ZFR: variants seen among roughly 807,000 people sequenced by gnomAD.
ZFR encodes zinc finger RNA-binding protein.
A neutral mutation model predicts 130.7 loss-of-function variants in ZFR; 19 were observed. The ratio of observed to expected loss-of-function variants is 0.15; its 90% CI spans 0.10 to 0.21. The LOEUF (loss-of-function observed/expected upper bound fraction) is 0.21. Among genes scored for constraint, ZFR ranks in the 10% least tolerant of loss-of-function variants. The probability of loss-of-function intolerance (pLI) is 1.00; values close to 1 mark genes in which losing one functional copy is unlikely to be tolerated. For missense variants in ZFR, 872 were observed against 1,321.5 expected (o/e 0.66, Z 5.27); for synonymous variants, 466 against 456.9 (o/e 1.02, Z -0.25).
Position 32,379,491 on chromosome 5 carries a change from T to TAAA in ZFR, c.2740-284_2740-282dup, listed in dbSNP as rs10637155. The TAAA allele has an allele frequency of 4.1e-3, 926 of 226,052 alleles. 1 individual carries two copies. Among genetic ancestry groups the TAAA allele is most frequent in the Middle Eastern group, 8.3e-3 (5 of 604 alleles). The allele number at this position is 226,052 out of a possible 1,614,324, so 14.0% of individuals were successfully genotyped here. On this transcript the variant is annotated intron_variant, in intron 16 of 19. Transcript: ENST00000265069. ...CTGTGTTCATTTAAAACAGTAAACT[T>TAAA]AAAAAAAAAAAGTCTGCCTACATTA...
rs201002022 is a variant in ZFR, at chr5:32,364,132, T to C, written c.2947+32A>G. On this transcript the variant is annotated intron_variant, in intron 18 of 19. Coordinates refer to ENST00000265069, the MANE Select transcript of ZFR (RefSeq NM_016107.5). ...TCAACCAGCAAATGAGTAAACTTCA[T>C]TTTACTTCATTAAAAACAAAGTAAG... is the stretch of plus-strand genomic sequence containing the variant. The C allele has an allele frequency of 1.4e-4, 224 of 1,596,660 alleles. 1 individual carries two copies. In the African/African-American group the frequency reaches 2.8e-3, roughly 20 times the overall value.
intron 8 of ZFR, among the ~76,000 whole-genome samples, chr5:32,402,018 G>A (rs1484405875): frequency 1.3e-5 from 2 of 152,230 alleles, no homozygotes; most frequent in African/African-American, 4.8e-5. Flanking sequence ...ACATTGGGAG[G>A]CATCCACACC....
chr5:32,431,187 A>T (rs1043108454), intron 2 of ZFR, among the ~76,000 whole-genome samples: 1 of 152,256 alleles, frequency 6.6e-6, no homozygotes, highest in African/African-American at 2.4e-5. Flanking sequence ...AATGTTGAGC[A>T]AAAAGAGTGG....
intron 17 of ZFR, among the ~76,000 whole-genome samples, chr5:32,365,375 C>T (rs1259350572): frequency 6.6e-6 from 1 of 152,012 alleles, no homozygotes; most frequent in Non-Finnish European, 1.5e-5. Context: ...AATCTCTTTA[C>T]ATTTTAAGAG....
At chr5:32,415,999 T>C (rs1753818747) in intron 4 of ZFR, among the ~76,000 whole-genome samples, 1 of 151,790 alleles carries the variant, frequency 6.6e-6, no homozygotes, top group Non-Finnish European at 1.5e-5. Flanking sequence ...AGGGTCCCAC[T>C]CTGTTGCCCA....
chr5:32,403,325 A>G lies in ZFR; in HGVS notation c.1297T>C (p.Ser433Pro). The G allele has an allele frequency of 6.2e-7, 1 of 1,614,214 alleles. No individual in the cohort carries two copies. The highest frequency in any genetic ancestry group is 2.2e-5 in the East Asian group (1 of 44,884). The change falls in exon 8 of 20, where the codon TCT (serine) becomes CCT (proline). Residue 433 changes from serine (S) to proline (P), a missense_variant. By Grantham distance (74) the Ser-to-Pro change is moderately conservative. Transcript: ENST00000265069. ...TEPNVVSQAT[S>P]STAVSASKPT... ...TTTGAAGCAGATACAGCTGTTGAAG[A>G]AGTAGCTTGGCTAACAACATTTGGT...
intron 17 of ZFR, among the ~76,000 whole-genome samples, chr5:32,378,110 A>G (rs902354152): frequency 1.3e-5 from 2 of 152,182 alleles, no homozygotes; most frequent in Admixed American, 1.3e-4. Flanking sequence ...CAATGACCCA[A>G]CCTTCTGGTG....
intron 1 of ZFR, 145 bp from the exon 2 acceptor site, chr5:32,444,473 C>T (rs533851353): frequency 1.1e-5 from 14 of 1,284,846 alleles, no homozygotes; most frequent in East Asian, 6.2e-5. Flanking sequence ...GCCGCCTCCC[C>T]CTCCCGCCTC....
intron 2 of ZFR, among the ~76,000 whole-genome samples, chr5:32,437,446 T>C (rs1329734124): frequency 1.3e-5 from 2 of 152,212 alleles, no homozygotes; most frequent in African/African-American, 4.8e-5. Context: ...ATTCATTTTA[T>C]CTCTGTATGA....
At chr5:32,411,714 G>GCGGGGA (rs1554073348) in intron 5 of ZFR, among the ~76,000 whole-genome samples, 1 of 54,612 alleles carries the variant, frequency 1.8e-5, no homozygotes, top group Non-Finnish European at 3.3e-5. Flanking sequence ...AATTGAGGGG[G>GCGGGGA]GGCGGGGAAT....
In ZFR at chr5:32,402,250, A is replaced by G. The variant is rs1441108029; in HGVS notation, c.1516+856T>C. Among the ~76,000 whole-genome samples the G allele has an allele frequency of 2.6e-5, 4 of 152,152 alleles. No individual in the cohort carries two copies. In the East Asian group the frequency reaches 7.7e-4, roughly 29 times the overall value. On this transcript the variant is annotated intron_variant, in intron 8 of 19. Transcript: ENST00000265069. ...AGGAGAACCAATAAGGAAAACTGAG[A>G]AAGGGGTGGATGGACACATAATTGA...
chr5:32,376,094 G>A (rs1404544986), intron 17 of ZFR, among the ~76,000 whole-genome samples: 7 of 151,092 alleles, frequency 4.6e-5, no homozygotes, highest in African/African-American at 1.5e-4. Context: ...CACCCGCCTC[G>A]GCCTCCTAAA....
At chr5:32,362,493 A>C (rs114028509) in intron 19 of ZFR, among the ~76,000 whole-genome samples, 1,673 of 152,322 alleles carry the variant, frequency 0.011, 28 homozygotes, top group African/African-American at 0.039. Flanking sequence ...AGATTTCACC[A>C]GTTATATATG....
In ZFR at chr5:32,390,501, A is replaced by G. The variant is rs1417153128; in HGVS notation, c.1980-64T>C. The G allele has an allele frequency of 4.1e-6, 6 of 1,461,786 alleles. No individual in the cohort carries two copies. The Admixed American group carries it at 7.4e-5, about 18-fold the overall frequency. The allele number at this position is 1,461,786 out of a possible 1,614,324, so 90.6% of individuals were successfully genotyped here. The stretch of plus-strand genomic sequence containing the variant: ...AAATACAGCCCAAGAACTTGCATCA[A>G]TAGTGACATAAAAAGCAATAAAAAA... On this transcript the variant is annotated intron_variant, in intron 11 of 19. Coordinates refer to ENST00000265069, the MANE Select transcript of ZFR (RefSeq NM_016107.5).
Position 32,406,874 on chromosome 5 carries a change from T to G in ZFR, c.932A>C (p.Lys311Thr). The G allele has an allele frequency of 6.2e-7, 1 of 1,614,024 alleles. No homozygotes were observed. Among genetic ancestry groups the G allele is most frequent in the Non-Finnish European group, 8.5e-7 (1 of 1,179,976 alleles). The change falls in exon 6 of 20, where the codon AAA becomes ACA. Residue 311 changes from lysine (K) to threonine (T), a missense_variant. Lys to Thr is a moderately conservative substitution (Grantham distance 78). This residue lies in a region of ZFR where 240 missense variants were observed against 441.2 expected (regional missense o/e 0.54). Transcript: ENST00000265069. ...AAWTGTTFTK[K>T]APFQNKQLKP... The stretch of plus-strand genomic sequence containing the variant: ...CAGTTGTTTATTTTGGAATGGTGCT[T>G]TTTTAGTAAAGGTGGTCCCTGTCCA...
rs1224212679 is a variant in ZFR at position 32,390,343 on chromosome 5, C to A, written c.2074G>T (p.Gly692Cys). The A allele has an allele frequency of 6.2e-7, 1 of 1,614,196 alleles. No individual in the cohort carries two copies. Among genetic ancestry groups the A allele is most frequent in the Non-Finnish European group, 8.5e-7 (1 of 1,180,018 alleles). ...AGAAGGCCTAATGGGCCTGGAGGACCATGAGGATAACCTCCATCTGGCATT... is the reference window on the plus strand; with the variant it reads ...AGAAGGCCTAATGGGCCTGGAGGACAATGAGGATAACCTCCATCTGGCATT... ...RRMPDGGYPH[G>C]PPGPLGLLGV... Residue 692 changes from glycine (G) to cysteine (C), a missense_variant, in exon 12 of 20, where the codon GGT (glycine) becomes TGT (cysteine). Gly to Cys is a radical substitution (Grantham distance 159). This residue lies in a region of ZFR where 225 missense variants were observed against 282.4 expected (regional missense o/e 0.80). Coordinates refer to ENST00000265069, the MANE Select transcript of ZFR (RefSeq NM_016107.5).
rs757030063 is a variant in ZFR at position 32,403,382 on chromosome 5, T to C, written c.1240A>G (p.Thr414Ala). 6.2e-7 allele frequency: 1 copy of C among 1,613,038 alleles called. No individual in the cohort carries two copies. The highest frequency in any genetic ancestry group is 1.1e-5 in the South Asian group (1 of 91,066). The change falls in exon 8 of 20, where the codon ACA becomes GCA. Residue 414 changes from threonine to alanine, a missense_variant. Physicochemically the swap from Thr to Ala is moderately conservative, Grantham distance 58. Coordinates refer to ENST00000265069, the MANE Select transcript of ZFR (RefSeq NM_016107.5). Reference sequence around the variant, plus strand: ...GATGGAATGGGTTTACCAAGTTTTGTGTGTAACTTAACCACCTATAAAACA... The same window carrying C: ...GATGGAATGGGTTTACCAAGTTTTGCGTGTAACTTAACCACCTATAAAACA... ...AKHQKVVKLH[T>A]KLGKPIPSTE...
At chr5:32,419,442 A>T (rs1431636091) in intron 3 of ZFR, among the ~76,000 whole-genome samples, 1 of 152,024 alleles carries the variant, frequency 6.6e-6, no homozygotes, top group Non-Finnish European at 1.5e-5. Context: ...GATTCAAGTG[A>T]TTCTCGTGCC....
At chr5:32,432,594 T>C (rs1456333568) in intron 2 of ZFR, among the ~76,000 whole-genome samples, 1 of 152,044 alleles carries the variant, frequency 6.6e-6, no homozygotes, top group African/African-American at 2.4e-5. Context: ...CCTCCCAAAG[T>C]GTTGGGATTA....
Sources: allele counts gnomAD v4.1 joint callset (sites outside exome capture counted in the v4.1 genomes callset), GRCh38; gene constraint gnomAD v4.1.1; regional missense constraint gnomAD v4.1.1; transcripts MANE v1.5; gene names NCBI Gene and HGNC (gene_info 2026-07-23, HGNC 2026-07-21).